The following FXN variants were observed in gnomAD, a reference collection of about 807,000 sequenced individuals.
The protein encoded by FXN is frataxin, mitochondrial.
Under a neutral mutation model 22.4 loss-of-function variants are expected in FXN, and 14 were observed. The observed-to-expected ratio is 0.62, with a 90% CI of 0.41 to 0.98. The LOEUF is 0.98. Ranked by LOEUF, FXN falls within the 50% of genes least tolerant of loss-of-function variation. The probability of loss-of-function intolerance (pLI) is 0.00; values close to 1 mark genes in which losing one functional copy is unlikely to be tolerated. For synonymous variants in FXN, 120 were observed against 114.1 expected, an observed-to-expected ratio of 1.05 and a Z score of -0.33; for missense variants, 267 against 268.4, an observed-to-expected ratio of 0.99 and a Z score of 0.04.
At chr9:69,042,538 C>T (rs1241385954) in intron 1 of FXN, among the ~76,000 whole-genome samples, 1 of 152,164 alleles carries the variant, frequency 6.6e-6, no homozygotes, top group Non-Finnish European at 1.5e-5. Context: ...ATTAAATTGG[C>T]AAAAGCAGGT....
At chr9:69,047,336 GACACACACACACAGACACACACACAC>G (rs1831774834) in intron 2 of FXN, among the ~76,000 whole-genome samples, 1 of 146,658 alleles carries the variant, frequency 6.8e-6, no homozygotes, top group Non-Finnish European at 1.5e-5. Flanking sequence ...CACAGACACA[GACACACACACACAGACACACACACAC>G]ACACACACAC....
chr9:69,067,460 T>C (rs1222504217), intron 4 of FXN, among the ~76,000 whole-genome samples: 1 of 152,208 alleles, frequency 6.6e-6, no homozygotes, highest in Non-Finnish European at 1.5e-5. Flanking sequence ...GAGAAACCCC[T>C]GTAGAGGAGC....
chr9:69,077,007 T>C lies in FXN; in HGVS notation c.*4245T>C. Reference sequence around the variant, plus strand: ...TGGGCTCACTACAACCTCCGCCTCCTGGGTTCAAGCAATTCTCTGCCTCAG... The same window carrying C: ...TGGGCTCACTACAACCTCCGCCTCCCGGGTTCAAGCAATTCTCTGCCTCAG... On this transcript the variant is annotated 3_prime_UTR_variant, in exon 5 of 5. Coordinates refer to ENST00000484259, the MANE Select transcript of FXN (RefSeq NM_000144.5). The C allele has an allele frequency of 1.4e-6, 1 of 695,450 alleles. No homozygotes were observed. The highest frequency in any genetic ancestry group is 1.8e-6 in the Non-Finnish European group (1 of 565,444). The allele number at this position is 695,450 out of a possible 1,614,324, so 43.1% of individuals were successfully genotyped here. A position where few individuals can be genotyped will look rare whatever the true frequency, so the allele number is the denominator to read the frequency against.
intron 1 of FXN, among the ~76,000 whole-genome samples, chr9:69,043,981 C>T (rs1029361611): frequency 2.0e-5 from 3 of 152,120 alleles, no homozygotes; most frequent in African/African-American, 7.2e-5. Flanking sequence ...CCTTGGCCTC[C>T]CAAAGTGCGG....
intron 1 of FXN, among the ~76,000 whole-genome samples, chr9:69,038,854 A>G (rs1025915066): frequency 6.6e-6 from 1 of 152,236 alleles, no homozygotes; most frequent in African/African-American, 2.4e-5. Flanking sequence ...CTTCCAGCAT[A>G]TCTCAATTCA....
chr9:69,064,707 A>G (rs1473489115), intron 3 of FXN, among the ~76,000 whole-genome samples: 2 of 152,192 alleles, frequency 1.3e-5, no homozygotes, highest in Non-Finnish European at 2.9e-5. Flanking sequence ...GGGAACAGGG[A>G]AAGCTCTATG....
intron 4 of FXN, among the ~76,000 whole-genome samples, chr9:69,065,523 A>G (rs1832152860): frequency 1.4e-5 from 2 of 139,160 alleles, no homozygotes; most frequent in Admixed American, 1.5e-4. Flanking sequence ...CCTGGGCAAC[A>G]GGGCCAGACC....
intron 4 of FXN, chr9:69,071,142 G>A (rs916839799): frequency 5.8e-6 from 3 of 518,650 alleles, no homozygotes; most frequent in Non-Finnish European, 1.2e-5. Flanking sequence ...GTGTGGAGGG[G>A]TCTAGAGGTT....
In FXN at chr9:69,077,962, G is replaced by A. The variant is rs967777381; in HGVS notation, c.*5200G>A. 3 of 983,966 alleles carry A rather than the reference G, an allele frequency of 3.0e-6. No individual in the cohort carries two copies. Among genetic ancestry groups the A allele is most frequent in the African/African-American group, 3.5e-5 (2 of 57,190 alleles). 61.0% of individuals were successfully genotyped at this position (983,966 alleles called of 1,614,324 possible). ...GTAATTCCCGTGTCTGCCATCTTAA[G>A]TGTAAAGGTGGCTAAATTATATAGA... is the stretch of plus-strand genomic sequence containing the variant. On this transcript the variant is annotated 3_prime_UTR_variant, in exon 5 of 5. Coordinates refer to ENST00000484259, the MANE Select transcript of FXN (RefSeq NM_000144.5).
Position 69,054,074 on chromosome 9 carries a change from G to A in FXN, c.384+814G>A, listed in dbSNP as rs1831910722. ...GGCTGGAGTGCAGTGGCGCAATCTCGGCTCACTGCTCCGCTTCCTGGGTTC... is the reference window on the plus strand; with the variant it reads ...GGCTGGAGTGCAGTGGCGCAATCTCAGCTCACTGCTCCGCTTCCTGGGTTC... On this transcript the variant is annotated intron_variant, in intron 3 of 4. Coordinates refer to ENST00000484259, the MANE Select transcript of FXN (RefSeq NM_000144.5). Among the ~76,000 whole-genome samples, 3 of 151,754 alleles carry A rather than the reference G, an allele frequency of 2.0e-5. No homozygotes were observed. In the South Asian group the frequency reaches 6.2e-4, roughly 32 times the overall value.
At chr9:69,037,220 TC>T (rs1223802645) in intron 1 of FXN, among the ~76,000 whole-genome samples, 1 of 137,874 alleles carries the variant, frequency 7.3e-6, no homozygotes, top group Admixed American at 7.7e-5. Context: ...GGTCCGGAGT[TC>T]AAGACTAACC....
At chr9:69,044,687 AC>A (rs539029744) in intron 1 of FXN, among the ~76,000 whole-genome samples, 117 of 150,500 alleles carry the variant, frequency 7.8e-4, no homozygotes, top group Non-Finnish European at 1.3e-3. Flanking sequence ...CTCCCCTGTC[AC>A]CTCCCCTGCA....
intron 1 of FXN, among the ~76,000 whole-genome samples, chr9:69,044,172 T>A (rs71503651): frequency 0.01 from 1,560 of 152,320 alleles, 14 homozygotes; most frequent in Non-Finnish European, 0.016. Context: ...AATTTGCTCG[T>A]TGAGTGTTTG....
At chr9:69,037,284 A>AAAAAAAAAAAAGAAGAAG (rs544093183) in intron 1 of FXN, among the ~76,000 whole-genome samples, 6 of 78,058 alleles carry the variant, frequency 7.7e-5, no homozygotes, top group Non-Finnish European at 1.5e-4. Flanking sequence ...AAAAAAAAAA[A>AAAAAAAAAAAAGAAGAAG]AAGAAGAAGA....
intron 1 of FXN, chr9:69,043,367 A>G (rs1256007254): frequency 5.9e-5 from 9 of 152,214 alleles, no homozygotes; most frequent in African/African-American, 1.9e-4. Flanking sequence ...GTGTTAGAGA[A>G]GCTTTGTCAG....
In FXN at chr9:69,073,597, T is replaced by A; in HGVS notation, c.*835T>A. On this transcript the variant is annotated 3_prime_UTR_variant, in exon 5 of 5. Transcript: ENST00000484259. ...AGGGGCAGATAAAGGAAGGAGATAC[T>A]CATGTTGATAAAGAGAGCCCTGGTC... 1.0e-6 allele frequency: 1 copy of A among 985,316 alleles called. No individual in the cohort carries two copies. Among genetic ancestry groups the A allele is most frequent in the Non-Finnish European group, 1.2e-6 (1 of 829,946 alleles). The allele number at this position is 985,316 out of a possible 1,614,324, so 61.0% of individuals were successfully genotyped here. A position where few individuals can be genotyped will look rare whatever the true frequency, so the allele number is the denominator to read the frequency against.
At chr9:69,055,657 C>A (rs967514123) in intron 3 of FXN, among the ~76,000 whole-genome samples, 1 of 151,626 alleles carries the variant, frequency 6.6e-6, no homozygotes, top group Non-Finnish European at 1.5e-5. Context: ...CAATACAGGG[C>A]TAAGTTTTGT....
chr9:69,049,065 C>A (rs539368977), intron 2 of FXN, among the ~76,000 whole-genome samples: 1 of 152,314 alleles, frequency 6.6e-6, no homozygotes, highest in Admixed American at 6.5e-5. Flanking sequence ...TTGCATAGGG[C>A]CCTTGCAGGA....
intron 1 of FXN, among the ~76,000 whole-genome samples, chr9:69,037,159 C>T (rs1235289582): frequency 2.6e-5 from 4 of 151,236 alleles, no homozygotes; most frequent in Non-Finnish European, 4.4e-5. Context: ...CGCGGTGGCT[C>T]ATGCCCATAA....
Sources: allele counts gnomAD v4.1 joint callset (sites outside exome capture counted in the v4.1 genomes callset), GRCh38; gene constraint gnomAD v4.1.1; transcripts MANE v1.5; gene names NCBI Gene and HGNC (gene_info 2026-07-23, HGNC 2026-07-21).